Variants in ADIPOQ observed in about 807,000 individuals in gnomAD.
ADIPOQ encodes adiponectin, C1Q and collagen domain containing, also known as adiponectin.
Under a neutral mutation model 16.1 loss-of-function variants are expected in ADIPOQ, and 19 were observed. That is an observed-to-expected ratio of 1.18 (90% CI 0.82 to 1.73). The LOEUF is 1.73. Among genes scored for constraint, ADIPOQ ranks in the 40% most tolerant of loss-of-function variants. ADIPOQ has a pLI of 0.00. For missense variants in ADIPOQ, 323 were observed against 308.3 expected (o/e 1.05, Z -0.36); for synonymous variants, 124 against 125.5 (o/e 0.99, Z 0.08).
intron 1 of ADIPOQ, chr3:186,852,748 G>T (rs546773165): frequency 2.9e-6 from 1 of 345,678 alleles, no homozygotes. Flanking sequence ...CCCTGTGCTT[G>T]GTCCTGTGCT....
intron 1 of ADIPOQ, among the ~76,000 whole-genome samples, chr3:186,847,243 G>A (rs983099352): frequency 9.2e-5 from 14 of 152,212 alleles, no homozygotes; most frequent in African/African-American, 3.4e-4. Flanking sequence ...CGTAGAGCCC[G>A]TGCTCCCTAT....
intron 1 of ADIPOQ, among the ~76,000 whole-genome samples, chr3:186,846,931 C>T (rs138453100): frequency 7.4e-4 from 113 of 152,300 alleles, no homozygotes; most frequent in African/African-American, 2.6e-3. Flanking sequence ...TGTGTGACCA[C>T]GATACTTTTC....
At chr3:186,845,012 G>C (rs971321769) in intron 1 of ADIPOQ, among the ~76,000 whole-genome samples, 1 of 152,062 alleles carries the variant, frequency 6.6e-6, no homozygotes, top group Non-Finnish European at 1.5e-5. Flanking sequence ...GTGGTGGTGC[G>C]TGGGATGCTC....
intron 1 of ADIPOQ, among the ~76,000 whole-genome samples, chr3:186,848,610 T>C (rs959846496): frequency 2.0e-5 from 3 of 152,150 alleles, no homozygotes; most frequent in African/African-American, 7.2e-5. Context: ...GAGGGTTCCT[T>C]GGAGTATCAT....
chr3:186,854,701 C>T lies in ADIPOQ; in HGVS notation c.732C>T (p.Asn244=), dbSNP rs1335465402. 2 of 1,614,020 alleles carry T rather than the reference C, an allele frequency of 1.2e-6. No individual in the cohort carries two copies. The highest frequency in any genetic ancestry group is 2.7e-5 in the African/African-American group (2 of 74,928). Reference sequence around the variant, plus strand: ...GCTTTCTTCTCTACCATGACACCAACTGATCACCACTAACTCAGAGCCTCC... The same window carrying T: ...GCTTTCTTCTCTACCATGACACCAATTGATCACCACTAACTCAGAGCCTCC... ...FTGFLLYHDT[N] is the part of the protein sequence containing the mutation. The change falls in exon 3 of 3, where the codon AAC becomes AAT. Residue 244 remains asparagine, a synonymous_variant. Transcript: ENST00000320741.
At chr3:186,849,003 T>C (rs776487188) in intron 1 of ADIPOQ, among the ~76,000 whole-genome samples, 3 of 152,206 alleles carry the variant, frequency 2.0e-5, no homozygotes, top group Non-Finnish European at 4.4e-5. Flanking sequence ...TGATCGCACC[T>C]ATTAGTGGAG....
chr3:186,848,229 AGAAG>A (rs1227150166), intron 1 of ADIPOQ, among the ~76,000 whole-genome samples: 2 of 132,434 alleles, frequency 1.5e-5, no homozygotes, highest in Non-Finnish European at 3.3e-5. Flanking sequence ...AAGGAAGGAA[AGAAG>A]GAAGGAAGGA....
intron 1 of ADIPOQ, among the ~76,000 whole-genome samples, chr3:186,847,129 A>G (rs578257910): frequency 5.3e-5 from 8 of 152,310 alleles, no homozygotes; most frequent in African/African-American, 1.9e-4. Context: ...GCCAGACACC[A>G]TTCTAAGCAT....
chr3:186,852,113 G>GGTGAT (rs1711793189), intron 1 of ADIPOQ: 1 of 152,358 alleles, frequency 6.6e-6, no homozygotes. Flanking sequence ...ACTATCATGA[G>GGTGAT]AACAGCAAGG....
rs1006337978 is a variant in ADIPOQ at position 186,858,123 on chromosome 3, C to A, written c.*3419C>A. The A allele has an allele frequency of 1.3e-5, 2 of 152,152 alleles. No individual in the cohort carries two copies. Among genetic ancestry groups the A allele is most frequent in the Non-Finnish European group, 2.9e-5 (2 of 68,048 alleles). 9.4% of individuals were successfully genotyped at this position (152,152 alleles called of 1,614,324 possible). A position where few individuals can be genotyped will look rare whatever the true frequency, so the allele number is the denominator to read the frequency against. ...AGTAGCTGGAACTACAGGCTCATGCCACTGCGCCCAGCTAATTTTTGTATT... is the reference window on the plus strand; with the variant it reads ...AGTAGCTGGAACTACAGGCTCATGCAACTGCGCCCAGCTAATTTTTGTATT... On this transcript the variant is annotated 3_prime_UTR_variant, in exon 3 of 3. Coordinates refer to ENST00000320741, the MANE Select transcript of ADIPOQ (RefSeq NM_004797.4).
At chr3:186,843,894 G>A (rs1423648319) in intron 1 of ADIPOQ, among the ~76,000 whole-genome samples, 1 of 152,114 alleles carries the variant, frequency 6.6e-6, no homozygotes, top group Non-Finnish European at 1.5e-5. Context: ...TAGAGTGGGA[G>A]GGATTTTAGA....
chr3:186,848,484 C>A (rs559481587), intron 1 of ADIPOQ, among the ~76,000 whole-genome samples: 53 of 152,318 alleles, frequency 3.5e-4, no homozygotes, highest in African/African-American at 1.3e-3. Context: ...AATCGGTGAG[C>A]TTTCCATCGC....
chr3:186,852,731 G>A (rs529878576), intron 1 of ADIPOQ: 139 of 303,582 alleles, frequency 4.6e-4, no homozygotes, highest in Non-Finnish European at 7.4e-4. Flanking sequence ...TCGACTCTTG[G>A]AGCTTTCCCT....
chr3:186,853,402 C>T (rs1041505466), intron 2 of ADIPOQ, 130 bp downstream of exon 2: 16 of 1,207,456 alleles, frequency 1.3e-5, no homozygotes, highest in Admixed American at 1.0e-4. Flanking sequence ...CCATAAGCAA[C>T]CTGAAGTGAT....
intron 1 of ADIPOQ, among the ~76,000 whole-genome samples, chr3:186,847,696 A>G (rs556832798): frequency 1.3e-5 from 2 of 152,332 alleles, no homozygotes; most frequent in African/African-American, 4.8e-5. Context: ...GTTGAGACTT[A>G]GGAACTTTTA....
chr3:186,846,769 G>A (rs1035218201), intron 1 of ADIPOQ, among the ~76,000 whole-genome samples: 1 of 152,018 alleles, frequency 6.6e-6, no homozygotes, highest in African/African-American at 2.4e-5. Context: ...AGAACATCAC[G>A]GTCATCCCCT....
At position 186,854,327 on chromosome 3, in the gene ADIPOQ, G is replaced by T; in HGVS notation, c.358G>T (p.Glu120Ter). The T allele has an allele frequency of 6.2e-7, 1 of 1,614,206 alleles. No individual in the cohort carries two copies. The highest frequency in any genetic ancestry group is 8.5e-7 in the Non-Finnish European group (1 of 1,180,028). Residue 120 changes from glutamate to a stop codon, truncating the protein, a stop_gained, in exon 3 of 3, where the codon GAG becomes TAG. Coordinates refer to ENST00000320741, the MANE Select transcript of ADIPOQ (RefSeq NM_004797.4). LOFTEE classifies it high-confidence loss of function. ...VYRSAFSVGL[E>*]TYVTIPNMPI... ...CCGCTCAGCATTCAGTGTGGGATTG[G>T]AGACTTACGTTACTATCCCCAACAT... is the stretch of plus-strand genomic sequence containing the variant.
At chr3:186,845,425 G>C (rs1404628319) in intron 1 of ADIPOQ, 1 of 152,034 alleles carries the variant, frequency 6.6e-6, no homozygotes, top group Admixed American at 6.6e-5. Flanking sequence ...AGGCTGGAGT[G>C]CAGTGGCGCG....
chr3:186,855,002 G>GCTCATAT lies in ADIPOQ; in HGVS notation c.*298_*299insCTCATAT, dbSNP rs1711944084. Reference sequence around the variant, plus strand: ...CTCATATCAATCCTATAAGGCACAGGGAACAAGCATTCTCCTGTTTTTACA... The same window carrying GCTCATAT: ...CTCATATCAATCCTATAAGGCACAGGCTCATATGAACAAGCATTCTCCTGTTTTTACA... On this transcript the variant is annotated 3_prime_UTR_variant, in exon 3 of 3. Transcript: ENST00000320741. 12 of 433,976 alleles carry GCTCATAT rather than the reference G, an allele frequency of 2.8e-5. No homozygotes were observed. Among genetic ancestry groups the GCTCATAT allele is most frequent in the Non-Finnish European group, 5.1e-5 (12 of 235,146 alleles). 26.9% of individuals were successfully genotyped at this position (433,976 alleles called of 1,614,324 possible). A position where few individuals can be genotyped will look rare whatever the true frequency, so the allele number is the denominator to read the frequency against.
Sources: gnomAD v4.1 joint callset for allele counts (sites outside exome capture counted in the v4.1 genomes callset) on GRCh38, gnomAD v4.1.1 for gene constraint, MANE v1.5 for transcripts, NCBI Gene and HGNC (gene_info 2026-07-23, HGNC 2026-07-21) for gene names.